The following PELI2 variants were observed in gnomAD, a reference collection of about 807,000 sequenced individuals.
The protein encoded by PELI2 is E3 ubiquitin-protein ligase pellino homolog 2.
A neutral mutation model predicts 42.3 loss-of-function variants in PELI2; 23 were observed. That is an observed-to-expected ratio of 0.54 (90% CI 0.39 to 0.77). The LOEUF is 0.77. PELI2 is among the 30% of genes least tolerant of loss of function. The pLI, the probability that PELI2 is intolerant of heterozygous loss-of-function variation, is 0.00. For synonymous variants in PELI2, 245 were observed against 212.2 expected (o/e 1.15, Z -1.34); for missense variants, 463 against 553.2 (o/e 0.84, Z 1.64).
chr14:56,241,613 A>G, intron 2 of PELI2, among the ~76,000 whole-genome samples: 1 of 152,176 alleles, frequency 6.6e-6, no homozygotes, highest in East Asian at 1.9e-4. Context: ...TTGGAATTAC[A>G]TTAACAATTT....
At chr14:56,270,322 T>A (rs1481867222) in intron 2 of PELI2, among the ~76,000 whole-genome samples, 3 of 152,216 alleles carry the variant, frequency 2.0e-5, no homozygotes, top group African/African-American at 7.2e-5. Flanking sequence ...CTTGAAAAGG[T>A]AGAATATTTT....
At chr14:56,270,881 A>C (rs1014912536) in intron 2 of PELI2, among the ~76,000 whole-genome samples, 1 of 152,206 alleles carries the variant, frequency 6.6e-6, no homozygotes, top group East Asian at 1.9e-4. Context: ...CCACTAGCCA[A>C]GTTGATCTCT....
At chr14:56,187,866 T>C (rs1312375573) in intron 2 of PELI2, among the ~76,000 whole-genome samples, 1 of 152,216 alleles carries the variant, frequency 6.6e-6, no homozygotes, top group African/African-American at 2.4e-5. Context: ...GTTCACACTG[T>C]GCTCATTCTG....
At chr14:56,220,970 G>T (rs1887107858) in intron 2 of PELI2, among the ~76,000 whole-genome samples, 2 of 152,150 alleles carry the variant, frequency 1.3e-5, no homozygotes, top group African/African-American at 4.8e-5. Flanking sequence ...AAGGAGAGGA[G>T]GCACATAGCC....
chr14:56,244,449 C>G (rs1005116282), intron 2 of PELI2, among the ~76,000 whole-genome samples: 4 of 152,162 alleles, frequency 2.6e-5, no homozygotes, highest in African/African-American at 9.7e-5. Flanking sequence ...TGTTCAGTGA[C>G]TTTCTGTAAT....
intron 2 of PELI2, among the ~76,000 whole-genome samples, chr14:56,222,183 T>C (rs1377352260): frequency 6.6e-6 from 1 of 152,206 alleles, no homozygotes; most frequent in East Asian, 1.9e-4. Context: ...GCTTTATCTG[T>C]GTCACCTCAT....
intron 2 of PELI2, among the ~76,000 whole-genome samples, chr14:56,252,598 G>A (rs1470659580): frequency 6.6e-6 from 1 of 152,114 alleles, no homozygotes; most frequent in African/African-American, 2.4e-5. Context: ...GTTTAGTAGT[G>A]GAAAGGTGAG....
At chr14:56,226,503 G>A (rs115247808) in intron 2 of PELI2, among the ~76,000 whole-genome samples, 249 of 152,312 alleles carry the variant, frequency 1.6e-3, no homozygotes, top group African/African-American at 5.6e-3. Context: ...TAATCCACTT[G>A]TATGGATTTC....
chr14:56,215,161 A>T (rs1886858625), intron 2 of PELI2, among the ~76,000 whole-genome samples: 1 of 152,182 alleles, frequency 6.6e-6, no homozygotes, highest in Admixed American at 6.5e-5. Flanking sequence ...ATCAGAATAG[A>T]TTTCTATCAG....
intron 2 of PELI2, among the ~76,000 whole-genome samples, chr14:56,201,796 T>A (rs577141490): frequency 6.6e-6 from 1 of 152,372 alleles, no homozygotes; most frequent in South Asian, 2.1e-4. Context: ...GTCAATTAGT[T>A]CATATTCTTT....
intron 5 of PELI2, among the ~76,000 whole-genome samples, chr14:56,295,330 C>T (rs1486350056): frequency 2.0e-5 from 3 of 151,990 alleles, no homozygotes; most frequent in Non-Finnish European, 2.9e-5. Flanking sequence ...CTCCCTCTCC[C>T]GCCTGGGTCT....
At chr14:56,160,528 T>C (rs1884723205) in intron 1 of PELI2, among the ~76,000 whole-genome samples, 1 of 152,166 alleles carries the variant, frequency 6.6e-6, no homozygotes, top group Admixed American at 6.5e-5. Context: ...TAAGAACTTT[T>C]TAATAGCCTT....
intron 2 of PELI2, among the ~76,000 whole-genome samples, chr14:56,213,293 A>T (rs1886775315): frequency 6.6e-6 from 1 of 152,180 alleles, no homozygotes; most frequent in South Asian, 2.1e-4. Flanking sequence ...ATCATGAATT[A>T]CTTTTATTTC....
intron 1 of PELI2, among the ~76,000 whole-genome samples, chr14:56,120,932 C>T (rs1883037497): frequency 6.6e-6 from 1 of 152,144 alleles, no homozygotes; most frequent in African/African-American, 2.4e-5. Flanking sequence ...AGGTTTCTGA[C>T]TGTTTACCAA....
At chr14:56,249,439 T>G (rs1888270161) in intron 2 of PELI2, among the ~76,000 whole-genome samples, 1 of 152,190 alleles carries the variant, frequency 6.6e-6, no homozygotes, top group Non-Finnish European at 1.5e-5. Flanking sequence ...CCCTCCTATT[T>G]AAATCCTGCA....
At chr14:56,138,088 C>T (rs59066038) in intron 1 of PELI2, among the ~76,000 whole-genome samples, 1 of 152,228 alleles carries the variant, frequency 6.6e-6, no homozygotes, top group Admixed American at 6.5e-5. Flanking sequence ...CATGCCTTAC[C>T]TCTCCCCAGC....
rs374735743 is a variant in PELI2 at position 56,223,884 on chromosome 14, G to A, written c.207+45420G>A. Among the ~76,000 whole-genome samples the A allele has an allele frequency of 1.1e-3, 168 of 152,268 alleles. 1 individual carries two copies. In the South Asian group the frequency reaches 0.033, roughly 30 times the overall value. Reference sequence around the variant, plus strand: ...CAGAAGGAGATTAATTTACCAGTTCGTGTCATATAATACTTGTTTTCCCGT... The same window carrying A: ...CAGAAGGAGATTAATTTACCAGTTCATGTCATATAATACTTGTTTTCCCGT... On this transcript the variant is annotated intron_variant, in intron 2 of 5. Transcript: ENST00000267460.
chr14:56,132,409 T>G (rs1381151772), intron 1 of PELI2, among the ~76,000 whole-genome samples: 1 of 152,312 alleles, frequency 6.6e-6, no homozygotes, highest in East Asian at 1.9e-4. Context: ...ACTTAATGTT[T>G]TACATTAAGG....
At chr14:56,130,118 A>G (rs188210969) in intron 1 of PELI2, among the ~76,000 whole-genome samples, 1 of 151,680 alleles carries the variant, frequency 6.6e-6, no homozygotes, top group Admixed American at 6.6e-5. Flanking sequence ...CTTGCTGCTT[A>G]GTGGGTTGGT....
Sources: gnomAD v4.1 joint callset for allele counts (sites outside exome capture counted in the v4.1 genomes callset) on GRCh38, gnomAD v4.1.1 for gene constraint, MANE v1.5 for transcripts, NCBI Gene and HGNC (gene_info 2026-07-23, HGNC 2026-07-21) for gene names.